The following POLG2 variants were observed in gnomAD, a reference collection of about 807,000 sequenced individuals.
POLG2 encodes DNA polymerase subunit gamma-2.
A neutral mutation model predicts 56.5 loss-of-function variants in POLG2; 50 were observed. That is an observed-to-expected ratio of 0.88 (90% CI 0.71 to 1.12). The LOEUF (loss-of-function observed/expected upper bound fraction) is 1.12. POLG2 is among the 50% of genes most tolerant of loss of function. The pLI is 0.00. For synonymous variants in POLG2, 226 were observed against 222.6 expected (o/e 1.02, Z -0.14); for missense variants, 584 against 583.3 (o/e 1.00, Z -0.01).
At chr17:64,483,709 A>T (rs2037903629) in intron 5 of POLG2, among the ~76,000 whole-genome samples, 1 of 151,504 alleles carries the variant, frequency 6.6e-6, no homozygotes, top group African/African-American at 2.4e-5. Flanking sequence ...AAAAATTTTT[A>T]AATGAAATTT....
intron 3 of POLG2, among the ~76,000 whole-genome samples, chr17:64,492,236 A>G (rs2038074053): frequency 6.6e-6 from 1 of 152,026 alleles, no homozygotes; most frequent in Non-Finnish European, 1.5e-5. Context: ...AAATGGTAAC[A>G]TAACACATGG....
At chr17:64,485,982 T>C (rs2037945626) in intron 4 of POLG2, 114 bp from the exon 5 acceptor site, 3 of 951,086 alleles carry the variant, frequency 3.2e-6, no homozygotes, top group Non-Finnish European at 5.0e-6. Flanking sequence ...AGTGGCATGA[T>C]CTCAGCTCCC....
At chr17:64,483,144 G>C (rs2037890693) in intron 5 of POLG2, 145 bp from the exon 6 acceptor site, 1 of 568,872 alleles carries the variant, frequency 1.8e-6, no homozygotes, top group African/African-American at 1.9e-5. Flanking sequence ...ACAGAAGTTA[G>C]CTGAGGTCAT....
intron 1 of POLG2, among the ~76,000 whole-genome samples, 175 bp from the exon 2 acceptor site, chr17:64,493,196 T>C (rs1364067224): frequency 2.0e-5 from 3 of 152,150 alleles, no homozygotes; most frequent in Admixed American, 6.5e-5. Flanking sequence ...GGTGGGCAGA[T>C]TGCTTGAGCT....
At chr17:64,481,307 A>G (rs2037852095) in intron 6 of POLG2, 1 of 985,374 alleles carries the variant, frequency 1.0e-6, no homozygotes, top group Non-Finnish European at 1.2e-6. Flanking sequence ...ACTATCTCCC[A>G]TCTTCCCAGA....
At chr17:64,482,808 G>C in intron 6 of POLG2, 111 bp downstream of exon 6, 1 of 695,638 alleles carries the variant, frequency 1.4e-6, no homozygotes, top group South Asian at 1.5e-5. Flanking sequence ...TTTTGGATTA[G>C]AGATGCAAAT....
chr17:64,489,670 T>C (rs931161268), intron 4 of POLG2, among the ~76,000 whole-genome samples: 3 of 151,896 alleles, frequency 2.0e-5, no homozygotes, highest in Non-Finnish European at 4.4e-5. Context: ...TGAGGCAGGA[T>C]TGCTTGAGCT....
In POLG2 at chr17:64,490,938, C is replaced by T. The variant is rs560482429; in HGVS notation, c.827G>A (p.Ser276Asn). ...CCGGCCTTCTTCATCCTGACAGTCA[C>T]TGCTGCTGAAGTTAGATGGACTCAT... ...FAMSPSNFSS[S>N]DCQDEEGRKG... Residue 276 changes from serine to asparagine, a missense_variant, in exon 4 of 8, where the codon AGT becomes AAT. Physicochemically the swap from Ser to Asn is conservative, Grantham distance 46. Transcript: ENST00000539111. 36 of 1,613,918 alleles carry T rather than the reference C, an allele frequency of 2.2e-5. No individual in the cohort carries two copies. In the Admixed American group the frequency reaches 2.3e-4, roughly 10 times the overall value.
At chr17:64,495,713 A>AT (rs879955859) in intron 1 of POLG2, among the ~76,000 whole-genome samples, 93 of 147,874 alleles carry the variant, frequency 6.3e-4, no homozygotes, top group Non-Finnish European at 8.4e-4. Context: ...AACTATTTGA[A>AT]TTTTTTTTTT....
intron 4 of POLG2, 28 bp from the exon 5 acceptor site, chr17:64,485,896 T>G: frequency 6.2e-7 from 1 of 1,612,682 alleles, no homozygotes; most frequent in Non-Finnish European, 8.5e-7. Flanking sequence ...AGAAAAATAA[T>G]CATTTCACAG....
At position 64,496,650 on chromosome 17, in the gene POLG2, G is replaced by T. The variant is rs782794876; in HGVS notation, c.319C>A (p.Arg107=). 2.2e-5 allele frequency: 35 copies of T among 1,613,780 alleles called. No homozygotes were observed. The Middle Eastern group carries it at 4.9e-4, about 23-fold the overall frequency. ...CACCATTCTGCGGCCAGGTTCTTCC[G>T]CAACTCTACGCCCAAGGGTCCGAAG... ...PGFGPLGVEL[R]KNLAAEWWTS... Residue 107 remains arginine (R), a synonymous_variant, in exon 1 of 8, where the codon CGG becomes AGG. Transcript: ENST00000539111.
intron 4 of POLG2, among the ~76,000 whole-genome samples, chr17:64,488,990 A>G (rs966967785): frequency 4.0e-5 from 6 of 151,308 alleles, no homozygotes; most frequent in Non-Finnish European, 8.8e-5. Context: ...CTCATTATAT[A>G]TAAACTCCTA....
At chr17:64,479,563 C>T (rs1555666107) in intron 7 of POLG2, among the ~76,000 whole-genome samples, 2 of 151,952 alleles carry the variant, frequency 1.3e-5, no homozygotes, top group Non-Finnish European at 2.9e-5. Context: ...CCAAAAGATA[C>T]ATATTCAACA....
At chr17:64,483,721 C>CT (rs782648209) in intron 5 of POLG2, among the ~76,000 whole-genome samples, 2,313 of 137,230 alleles carry the variant, frequency 0.017, 25 homozygotes, top group Non-Finnish European at 0.023. Flanking sequence ...ATGAAATTTG[C>CT]TTTTTTTTTT....
intron 4 of POLG2, among the ~76,000 whole-genome samples, chr17:64,489,681 C>T (rs889593123): frequency 3.3e-5 from 5 of 151,764 alleles, no homozygotes; most frequent in Non-Finnish European, 7.4e-5. Flanking sequence ...TGCTTGAGCT[C>T]AAGAGTTTGA....
At chr17:64,478,734 A>G (rs1391350739) in intron 7 of POLG2, among the ~76,000 whole-genome samples, 1 of 151,844 alleles carries the variant, frequency 6.6e-6, no homozygotes, top group Non-Finnish European at 1.5e-5. Context: ...CATCTCTACC[A>G]AAACTACAAA....
rs568417851 is a variant in POLG2 at position 64,491,083 on chromosome 17, G to A, written c.796-114C>T. 5.5e-4 allele frequency: 453 copies of A among 828,864 alleles called. 3 individuals carry two copies. In the African/African-American group the frequency reaches 6.9e-3, roughly 13 times the overall value. The allele number at this position is 828,864 out of a possible 1,614,324, so 51.3% of individuals were successfully genotyped here. On this transcript the variant is annotated intron_variant, in intron 3 of 7. Transcript: ENST00000539111. ...GATACTTTTTATTCAGCAAATGTGC[G>A]AAACTAGTCAAGTCCCGAATACAAA...
chr17:64,496,479 T>C lies in POLG2; in HGVS notation c.490A>G (p.Lys164Glu), dbSNP rs537454312. The change falls in exon 1 of 8, where the codon AAG becomes GAG. Residue 164 changes from lysine (K) to glutamate (E), a missense_variant. By Grantham distance (56) the Lys-to-Glu change is moderately conservative. Coordinates refer to ENST00000539111, the MANE Select transcript of POLG2 (RefSeq NM_007215.4). ...TCAAGAAATGCTACTAGCTGTTCCT[T>C]ACTCAGCTCTTTGTCTTGCAAGATT... ...REILQDKELS[K>E]EQLVAFLENV... The C allele has an allele frequency of 1.9e-6, 3 of 1,611,078 alleles. No individual in the cohort carries two copies. The highest frequency in any genetic ancestry group is 2.2e-5 in the East Asian group (1 of 44,784).
chr17:64,492,102 T>C (rs914648289), intron 3 of POLG2, among the ~76,000 whole-genome samples: 11 of 152,224 alleles, frequency 7.2e-5, no homozygotes, highest in African/African-American at 2.7e-4. Context: ...AAGTTAACCA[T>C]GACTAAAGTG....
Sources: gnomAD v4.1 joint callset for allele counts (sites outside exome capture counted in the v4.1 genomes callset) on GRCh38, gnomAD v4.1.1 for gene constraint, MANE v1.5 for transcripts, NCBI Gene and HGNC (gene_info 2026-07-23, HGNC 2026-07-21) for gene names.